Variants in SPECC1 observed in about 807,000 individuals in gnomAD.
SPECC1 encodes the protein sperm antigen with calponin homology and coiled-coil domains 1, also known as cytospin-B.
In SPECC1, 62 loss-of-function variants were observed where a neutral mutation model predicts 104.1. That is an observed-to-expected ratio of 0.60 (90% CI 0.49 to 0.74). SPECC1 has a LOEUF of 0.74. SPECC1 is among the 30% of genes least tolerant of loss of function. SPECC1 has a pLI of 0.00. For missense variants in SPECC1, 1,306 were observed against 1,310.5 expected (o/e 1.00, Z 0.05); for synonymous variants, 513 against 501.6 (o/e 1.02, Z -0.30).
intron 12 of SPECC1, among the ~76,000 whole-genome samples, chr17:20,273,462 G>C (rs2040474604): frequency 1.2e-5 from 1 of 81,864 alleles, no homozygotes; most frequent in Admixed American, 1.1e-4. Context: ...GCGAGACTCT[G>C]TCAAAAAAAA....
rs187618413 is a variant in SPECC1 at position 20,267,000 on chromosome 17, C to T, written c.2940+6706C>T. Among the ~76,000 whole-genome samples, 9 of 152,296 alleles carry T rather than the reference C, an allele frequency of 5.9e-5. No homozygotes were observed. The East Asian group carries it at 1.2e-3, about 20-fold the overall frequency. On this transcript the variant is annotated intron_variant, in intron 12 of 14. Transcript: ENST00000395527. Reference sequence around the variant, plus strand: ...GTCAGCAGCACTGGGAAGTGAGCATCGCAGCCAGACCCACCTGCCGAGCTC... The same window carrying T: ...GTCAGCAGCACTGGGAAGTGAGCATTGCAGCCAGACCCACCTGCCGAGCTC...
intron 12 of SPECC1, among the ~76,000 whole-genome samples, chr17:20,276,706 A>G (rs1232980508): frequency 1.3e-5 from 2 of 152,252 alleles, no homozygotes. Context: ...GGGTAACCAC[A>G]GTGGAATAAT....
At chr17:20,264,838 C>T (rs1394122980) in intron 12 of SPECC1, among the ~76,000 whole-genome samples, 2 of 152,134 alleles carry the variant, frequency 1.3e-5, no homozygotes, top group Non-Finnish European at 2.9e-5. Context: ...CATATGTACT[C>T]AACGTTTAGC....
chr17:20,159,435 G>A (rs2032928752), intron 3 of SPECC1, among the ~76,000 whole-genome samples: 1 of 152,250 alleles, frequency 6.6e-6, no homozygotes, highest in South Asian at 2.1e-4. Context: ...CAGTTGCTTG[G>A]ACAGGGAGAG....
intron 1 of SPECC1, among the ~76,000 whole-genome samples, chr17:20,045,936 CCT>C (rs773980963): frequency 6.6e-6 from 1 of 151,466 alleles, no homozygotes; most frequent in African/African-American, 2.4e-5. Flanking sequence ...TTTTCCTCCC[CCT>C]CTGTTAATTG....
chr17:20,235,351 G>A (rs1010173881), intron 7 of SPECC1, among the ~76,000 whole-genome samples: 3 of 152,134 alleles, frequency 2.0e-5, no homozygotes, highest in Non-Finnish European at 2.9e-5. Flanking sequence ...CACATATAAT[G>A]TAATAGATGA....
rs773053344 is a variant in SPECC1 at position 20,110,459 on chromosome 17, C to A, written c.180C>A (p.Asn60Lys). The change falls in exon 3 of 15, where the codon AAC becomes AAA. Residue 60 changes from asparagine (N) to lysine (K), a missense_variant. Asn to Lys is a moderately conservative substitution (Grantham distance 94, BLOSUM62 0). Around this residue, in one of 2 missense-constraint regions of SPECC1, gnomAD observed 1,177 missense variants for 1,139.9 expected, o/e 1.03. Transcript: ENST00000395527. Reference protein sequence around the residue: ...LKRASSEDTLNKPGSTAASGV... With the variant: ...LKRASSEDTLKKPGSTAASGV... ...GGGCCAGCAGTGAGGACACGCTCAA[C>A]AAGCCAGGAAGTACCGCTGCATCGG... 16 of 1,613,874 alleles carry A rather than the reference C, an allele frequency of 9.9e-6. No individual in the cohort carries two copies. In the African/African-American group the frequency reaches 2.1e-4, roughly 22 times the overall value.
chr17:20,031,293 C>T (rs1027062828), intron 1 of SPECC1, among the ~76,000 whole-genome samples: 2 of 152,028 alleles, frequency 1.3e-5, no homozygotes, highest in Admixed American at 6.6e-5. Flanking sequence ...CGTGCCTGGC[C>T]TCCTGCTTAA....
At chr17:20,070,947 T>C (rs938168291) in intron 1 of SPECC1, among the ~76,000 whole-genome samples, 1 of 152,132 alleles carries the variant, frequency 6.6e-6, no homozygotes, top group Non-Finnish European at 1.5e-5. Flanking sequence ...ATCTCCTATA[T>C]TTTCTTTCTT....
rs1024831329 is a variant in SPECC1 at position 20,257,754 on chromosome 17, G to T, written c.2837+147G>T. The T allele has an allele frequency of 7.3e-5, 82 of 1,119,314 alleles. No individual in the cohort carries two copies. In the African/African-American group the frequency reaches 1.2e-3, roughly 16 times the overall value. The allele number at this position is 1,119,314 out of a possible 1,614,324, so 69.3% of individuals were successfully genotyped here. Reference sequence around the variant, plus strand: ...AAGACACTGTGCCTGCCCTTGGTGAGTCTAAAAGGATGACAGTGGATAGTA... The same window carrying T: ...AAGACACTGTGCCTGCCCTTGGTGATTCTAAAAGGATGACAGTGGATAGTA... On this transcript the variant is annotated intron_variant, in intron 11 of 14. Coordinates refer to ENST00000395527, the MANE Select transcript of SPECC1 (RefSeq NM_001243439.2).
chr17:20,124,906 C>T (rs1178603504), intron 3 of SPECC1, among the ~76,000 whole-genome samples: 3 of 152,080 alleles, frequency 2.0e-5, no homozygotes, highest in South Asian at 2.1e-4. Flanking sequence ...GCAGGCCAGG[C>T]GCGGTGGCTC....
At chr17:20,139,951 G>C (rs2030560557) in intron 3 of SPECC1, among the ~76,000 whole-genome samples, 1 of 152,134 alleles carries the variant, frequency 6.6e-6, no homozygotes, top group Non-Finnish European at 1.5e-5. Flanking sequence ...CGGGATTACA[G>C]GTGTGAGCCA....
intron 3 of SPECC1, among the ~76,000 whole-genome samples, chr17:20,197,221 G>C (rs1331267985): frequency 6.6e-6 from 1 of 152,184 alleles, no homozygotes; most frequent in African/African-American, 2.4e-5. Context: ...GTTAGAGCTT[G>C]AATATCTGCT....
chr17:20,061,961 A>C (rs2046198879), intron 1 of SPECC1, among the ~76,000 whole-genome samples: 1 of 151,952 alleles, frequency 6.6e-6, no homozygotes, highest in African/African-American at 2.4e-5. Flanking sequence ...CTATGTCTTT[A>C]TTTCAAATTA....
In SPECC1 at chr17:20,222,160, C is replaced by T. The variant is rs182214697; in HGVS notation, c.1864-5253C>T. Among the ~76,000 whole-genome samples the T allele has an allele frequency of 2.2e-4, 34 of 152,052 alleles. No homozygotes were observed. The East Asian group carries it at 6.4e-3, about 29-fold the overall frequency. On this transcript the variant is annotated intron_variant, in intron 4 of 14. Coordinates refer to ENST00000395527, the MANE Select transcript of SPECC1 (RefSeq NM_001243439.2). The stretch of plus-strand genomic sequence containing the variant: ...ACCAGCCTGGCCAACATGGAGAAAC[C>T]CTGTCTCTACTAAAAATACAAAATT...
At chr17:20,167,123 G>A (rs1021569401) in intron 3 of SPECC1, among the ~76,000 whole-genome samples, 5 of 147,292 alleles carry the variant, frequency 3.4e-5, no homozygotes, top group Non-Finnish European at 7.4e-5. Flanking sequence ...CTATATATAT[G>A]TAATGTGTAT....
At chr17:20,271,343 C>T (rs367826796) in intron 12 of SPECC1, among the ~76,000 whole-genome samples, 76 of 151,740 alleles carry the variant, frequency 5.0e-4, no homozygotes, top group Middle Eastern at 3.4e-3. Context: ...TTCTTTTTCA[C>T]TCCCACCCCC....
chr17:20,182,320 T>TG (rs2151235816), intron 3 of SPECC1, among the ~76,000 whole-genome samples: 1 of 152,272 alleles, frequency 6.6e-6, no homozygotes, highest in African/African-American at 2.4e-5. Flanking sequence ...TTTGCCGTGT[T>TG]GCTCAGGCTA....
intron 3 of SPECC1, among the ~76,000 whole-genome samples, chr17:20,122,416 G>C (rs1350802073): frequency 6.6e-6 from 1 of 152,200 alleles, no homozygotes; most frequent in Non-Finnish European, 1.5e-5. Flanking sequence ...TGGCACCGGG[G>C]AACAGCAGCT....
Sources: allele counts gnomAD v4.1 joint callset (sites outside exome capture counted in the v4.1 genomes callset), GRCh38; gene constraint gnomAD v4.1.1; regional missense constraint gnomAD v4.1.1; transcripts MANE v1.5; gene names NCBI Gene and HGNC (gene_info 2026-07-23, HGNC 2026-07-21).